Variants in EHBP1 observed in about 807,000 individuals in gnomAD.
EHBP1 encodes EH domain-binding protein 1.
Under a neutral mutation model 144.0 loss-of-function variants are expected in EHBP1, and 55 were observed. That is an observed-to-expected ratio of 0.38 (90% CI 0.31 to 0.48). The LOEUF (loss-of-function observed/expected upper bound fraction) is 0.48, where lower values mean the gene tolerates loss of function less well. EHBP1 is among the 20% of genes least tolerant of loss of function. EHBP1 has a pLI of 0.98. For missense variants in EHBP1, 1,200 were observed against 1,364.2 expected, an observed-to-expected ratio of 0.88 and a Z score of 1.90; for synonymous variants, 469 against 472.7, an observed-to-expected ratio of 0.99 and a Z score of 0.10.
intron 5 of EHBP1, among the ~76,000 whole-genome samples, chr2:62,798,924 A>T (rs1306651925): frequency 6.7e-6 from 1 of 150,274 alleles, no homozygotes; most frequent in African/African-American, 2.4e-5. Flanking sequence ...GAATGGCGTG[A>T]ACCTGGGAGG....
chr2:62,762,583 A>G (rs963403801), intron 3 of EHBP1, among the ~76,000 whole-genome samples: 2 of 152,148 alleles, frequency 1.3e-5, no homozygotes, highest in African/African-American at 4.8e-5. Context: ...TTTCTTCTAT[A>G]AGGTAGAAGC....
intron 5 of EHBP1, among the ~76,000 whole-genome samples, chr2:62,811,520 C>T (rs865787425): frequency 6.6e-6 from 1 of 152,004 alleles, no homozygotes; most frequent in Non-Finnish European, 1.5e-5. Flanking sequence ...AATGCCAGGC[C>T]CATAATAGGC....
chr2:62,896,300 G>A (rs1372592123), intron 10 of EHBP1, among the ~76,000 whole-genome samples: 2 of 152,160 alleles, frequency 1.3e-5, no homozygotes, highest in African/African-American at 2.4e-5. Context: ...TAACTGGAAA[G>A]GAGTGAGCAA....
chr2:62,895,428 T>G (rs2052826120), intron 10 of EHBP1, among the ~76,000 whole-genome samples: 2 of 152,172 alleles, frequency 1.3e-5, no homozygotes, highest in Admixed American at 1.3e-4. Flanking sequence ...CTTATTTCTG[T>G]TGCCTTCCCT....
At chr2:62,774,610 T>C (rs2041923451) in intron 5 of EHBP1, among the ~76,000 whole-genome samples, 1 of 152,048 alleles carries the variant, frequency 6.6e-6, no homozygotes, top group African/African-American at 2.4e-5. Flanking sequence ...GTTCTAGGCA[T>C]TGGAAATGGT....
At chr2:62,922,370 C>T (rs1044583371) in intron 10 of EHBP1, among the ~76,000 whole-genome samples, 2 of 152,114 alleles carry the variant, frequency 1.3e-5, no homozygotes, top group Non-Finnish European at 2.9e-5. Context: ...ATCTGTACTT[C>T]AAATGGATTA....
intron 15 of EHBP1, among the ~76,000 whole-genome samples, chr2:62,983,295 G>A (rs1020945956): frequency 2.0e-5 from 3 of 151,874 alleles, no homozygotes; most frequent in Non-Finnish European, 4.4e-5. Flanking sequence ...TCTGCTTTGG[G>A]AATTTATTAA....
At chr2:63,026,024 G>A (rs1489054040) in intron 19 of EHBP1, among the ~76,000 whole-genome samples, 3 of 152,144 alleles carry the variant, frequency 2.0e-5, no homozygotes, top group Non-Finnish European at 4.4e-5. Context: ...TAAAAAGGCC[G>A]AATGATGTTA....
intron 2 of EHBP1, among the ~76,000 whole-genome samples, chr2:62,730,953 A>C: frequency 6.7e-6 from 1 of 149,298 alleles, no homozygotes; most frequent in Non-Finnish European, 1.5e-5. Context: ...AGACAGAGAG[A>C]AAGATACTTG....
intron 8 of EHBP1, among the ~76,000 whole-genome samples, chr2:62,864,432 C>T (rs2049888315): frequency 6.6e-6 from 1 of 152,086 alleles, no homozygotes; most frequent in Admixed American, 6.6e-5. Flanking sequence ...ATTGGCATAT[C>T]ATAATGTTAA....
chr2:62,706,825 A>T (rs2034635367), intron 1 of EHBP1, 72 bp from the exon 2 acceptor site: 1 of 202,318 alleles, frequency 4.9e-6, no homozygotes, highest in South Asian at 9.2e-5. Flanking sequence ...GTTATTTAAC[A>T]TGGGTGGTTA....
At chr2:63,015,504 G>A (rs936516504) in intron 19 of EHBP1, among the ~76,000 whole-genome samples, 3 of 151,914 alleles carry the variant, frequency 2.0e-5, no homozygotes, top group African/African-American at 7.3e-5. Context: ...TTGTGGTTTT[G>A]TGTTTGTTTG....
intron 19 of EHBP1, among the ~76,000 whole-genome samples, chr2:63,008,891 C>A (rs2060157786): frequency 6.6e-6 from 1 of 151,442 alleles, no homozygotes. Context: ...AAATTAATTT[C>A]TTGTATGCAA....
chr2:62,727,960 C>T (rs530842771), intron 2 of EHBP1, among the ~76,000 whole-genome samples: 80 of 152,118 alleles, frequency 5.3e-4, no homozygotes, highest in African/African-American at 1.7e-3. Context: ...ACAAAGTGCA[C>T]GATTGACATC....
chr2:62,683,188 C>T (rs995221592), intron 1 of EHBP1, among the ~76,000 whole-genome samples: 2 of 152,118 alleles, frequency 1.3e-5, no homozygotes, highest in Admixed American at 1.3e-4. Flanking sequence ...AGCTTGGCTT[C>T]GTTCTCAGAT....
At chr2:62,913,800 C>G (rs2054399607) in intron 10 of EHBP1, among the ~76,000 whole-genome samples, 1 of 152,140 alleles carries the variant, frequency 6.6e-6, no homozygotes, top group Non-Finnish European at 1.5e-5. Context: ...TATGCCTCTT[C>G]TTTTCATGAT....
At chr2:62,988,111 C>A in intron 15 of EHBP1, 1 of 810,538 alleles carries the variant, frequency 1.2e-6, no homozygotes, top group Non-Finnish European at 2.0e-6. Flanking sequence ...ATTATCTCAT[C>A]AATAATAATA....
At chr2:62,786,451 G>T (rs1021930503) in intron 5 of EHBP1, among the ~76,000 whole-genome samples, 2 of 152,278 alleles carry the variant, frequency 1.3e-5, no homozygotes, top group South Asian at 2.1e-4. Flanking sequence ...TCACAAACCT[G>T]CCGTGGTTCA....
At chr2:62,932,719 C>T (rs769455227) in intron 10 of EHBP1, among the ~76,000 whole-genome samples, 58 of 151,940 alleles carry the variant, frequency 3.8e-4, no homozygotes, top group Admixed American at 1.2e-3. Context: ...TTTGGGAGGC[C>T]GAGGAGGGCG....
Sources: gnomAD v4.1 joint callset for allele counts (sites outside exome capture counted in the v4.1 genomes callset) on GRCh38, gnomAD v4.1.1 for gene constraint, MANE v1.5 for transcripts, NCBI Gene and HGNC (gene_info 2026-07-23, HGNC 2026-07-21) for gene names.